ACOXL: variants seen among roughly 807,000 people sequenced by gnomAD.
The protein encoded by ACOXL is acyl-CoA oxidase like.
ACOXL carries 70 observed loss-of-function variants against 71.9 expected under a neutral mutation model. The ratio of observed to expected loss-of-function variants is 0.97; its 90% confidence interval spans 0.80 to 1.19. The LOEUF is 1.19. ACOXL is among the 50% of genes most tolerant of loss of function. The probability of loss-of-function intolerance (pLI) is 0.00; values close to 1 mark genes in which losing one functional copy is unlikely to be tolerated. For missense variants in ACOXL, 703 were observed against 736.3 expected (o/e 0.95, Z 0.52); for synonymous variants, 253 against 281.6 (o/e 0.90, Z 1.02).
intron 10 of ACOXL, among the ~76,000 whole-genome samples, chr2:110,865,750 T>C (rs755226024): frequency 5.3e-5 from 8 of 152,220 alleles, no homozygotes; most frequent in Non-Finnish European, 1.2e-4. Context: ...TGTGTGTGTT[T>C]GCAAGGAGAG....
intron 14 of ACOXL, among the ~76,000 whole-genome samples, chr2:111,023,033 A>G (rs978390261): frequency 1.3e-5 from 2 of 152,132 alleles, no homozygotes; most frequent in African/African-American, 2.4e-5. Context: ...ATTTTAATGT[A>G]GCTGCATACT....
chr2:111,047,295 C>T (rs1474249812), intron 15 of ACOXL, among the ~76,000 whole-genome samples: 1 of 152,164 alleles, frequency 6.6e-6, no homozygotes, highest in Non-Finnish European at 1.5e-5. Context: ...AGTATGAACA[C>T]AGGGTCACCA....
chr2:110,900,996 T>C (rs1257970255), intron 10 of ACOXL, among the ~76,000 whole-genome samples: 1 of 152,194 alleles, frequency 6.6e-6, no homozygotes, highest in East Asian at 1.9e-4. Flanking sequence ...CCTCAGCTTG[T>C]GGGAGGAGGC....
intron 14 of ACOXL, among the ~76,000 whole-genome samples, chr2:110,997,395 G>A (rs2063445297): frequency 6.6e-6 from 1 of 152,086 alleles, no homozygotes; most frequent in Non-Finnish European, 1.5e-5. Context: ...AGAATAAAGA[G>A]AACAGAATGT....
intron 16 of ACOXL, among the ~76,000 whole-genome samples, chr2:111,052,901 C>T (rs568402309): frequency 6.6e-6 from 1 of 152,194 alleles, no homozygotes; most frequent in African/African-American, 2.4e-5. Context: ...TTCCCTGTCC[C>T]GGAGCTGCCA....
chr2:110,840,013 G>T (rs949343548), intron 9 of ACOXL, among the ~76,000 whole-genome samples: 1 of 50,578 alleles, frequency 2.0e-5, no homozygotes, highest in Non-Finnish European at 4.8e-5. Context: ...TGTTTTTGAC[G>T]GAGTCTCACT....
intron 3 of ACOXL, among the ~76,000 whole-genome samples, chr2:110,792,316 A>G (rs927343682): frequency 4.6e-5 from 7 of 152,198 alleles, no homozygotes; most frequent in African/African-American, 1.7e-4. Flanking sequence ...TCTGACCTGC[A>G]GGCACAGCAA....
chr2:110,847,597 G>C (rs1692075952), intron 10 of ACOXL, among the ~76,000 whole-genome samples: 1 of 152,226 alleles, frequency 6.6e-6, no homozygotes, highest in African/African-American at 2.4e-5. Flanking sequence ...CTTAAGCAAA[G>C]TCTAAATGCA....
At chr2:110,851,644 T>C (rs1169800073) in intron 10 of ACOXL, among the ~76,000 whole-genome samples, 2 of 152,210 alleles carry the variant, frequency 1.3e-5, no homozygotes, top group African/African-American at 4.8e-5. Flanking sequence ...AGGCACCACC[T>C]TGTTTTTCAC....
At chr2:110,810,303 C>T (rs1426038210) in intron 9 of ACOXL, among the ~76,000 whole-genome samples, 1 of 152,148 alleles carries the variant, frequency 6.6e-6, no homozygotes, top group Non-Finnish European at 1.5e-5. Flanking sequence ...ACAGATTGAT[C>T]TCATTTTGTA....
At position 110,995,138 on chromosome 2, in the gene ACOXL, G is replaced by C. The variant is rs569184039; in HGVS notation, c.1170-755G>C. ...TAATTATAATAAATGCCCAGCAGTG[G>C]TTATTATAAACTCACTTGATAGAGC... On this transcript the variant is annotated intron_variant, in intron 13 of 17. Transcript: ENST00000439055. Among the ~76,000 whole-genome samples, 757 of 151,788 alleles carry C rather than the reference G, an allele frequency of 5.0e-3. 8 individuals carry two copies. The highest frequency in any genetic ancestry group is 0.018 in the African/African-American group (726 of 41,412).
intron 10 of ACOXL, among the ~76,000 whole-genome samples, chr2:110,842,399 T>C (rs911054491): frequency 6.6e-6 from 1 of 152,200 alleles, no homozygotes; most frequent in Non-Finnish European, 1.5e-5. Flanking sequence ...TACATTTTCC[T>C]GGCCCATTGC....
At chr2:110,925,999 T>G (rs929280188) in intron 11 of ACOXL, among the ~76,000 whole-genome samples, 1 of 151,972 alleles carries the variant, frequency 6.6e-6, no homozygotes, top group Non-Finnish European at 1.5e-5. Flanking sequence ...TAGAGAGGCC[T>G]GAGGAGCGGG....
chr2:110,992,264 T>C (rs2063203395), intron 13 of ACOXL, among the ~76,000 whole-genome samples: 1 of 152,248 alleles, frequency 6.6e-6, no homozygotes, highest in African/African-American at 2.4e-5. Flanking sequence ...GTTTTACTGA[T>C]TCAGTCCCTG....
At chr2:111,082,505 T>A (rs1289678692) in intron 16 of ACOXL, among the ~76,000 whole-genome samples, 1 of 152,018 alleles carries the variant, frequency 6.6e-6, no homozygotes, top group Non-Finnish European at 1.5e-5. Context: ...ATGGCAATCA[T>A]TAAAAAGTCA....
At chr2:110,964,175 G>T (rs1431307387) in intron 12 of ACOXL, among the ~76,000 whole-genome samples, 2 of 152,164 alleles carry the variant, frequency 1.3e-5, no homozygotes, top group Non-Finnish European at 2.9e-5. Context: ...CCCTTTGCAT[G>T]TTGCTGTTGA....
chr2:111,064,328 C>G (rs1007752150), intron 16 of ACOXL, among the ~76,000 whole-genome samples: 1 of 149,200 alleles, frequency 6.7e-6, no homozygotes, highest in Non-Finnish European at 1.5e-5. Flanking sequence ...CCCGGCTACT[C>G]GGGAGGCTGA....
intron 10 of ACOXL, among the ~76,000 whole-genome samples, chr2:110,899,686 G>T (rs2059149879): frequency 6.6e-6 from 1 of 151,994 alleles, no homozygotes; most frequent in African/African-American, 2.4e-5. Context: ...ATAATTTATG[G>T]CTCCATGTCT....
chr2:110,973,898 G>A (rs1297973889), intron 12 of ACOXL, among the ~76,000 whole-genome samples: 53 of 152,190 alleles, frequency 3.5e-4, no homozygotes, highest in Admixed American at 3.4e-3. Flanking sequence ...TTGGTCCCTT[G>A]GGGTGAGAGA....
Sources: allele counts gnomAD v4.1 joint callset (sites outside exome capture counted in the v4.1 genomes callset), GRCh38; gene constraint gnomAD v4.1.1; transcripts MANE v1.5; gene names NCBI Gene and HGNC (gene_info 2026-07-23, HGNC 2026-07-21).